Variants in UBR4 observed in about 807,000 individuals in gnomAD.
UBR4 encodes the protein E3 ubiquitin-protein ligase UBR4.
A neutral mutation model predicts 575.6 loss-of-function variants in UBR4; 124 were observed. That is an observed-to-expected ratio of 0.22 (90% CI 0.19 to 0.25). The LOEUF is 0.25. UBR4 is among the 10% of genes least tolerant of loss of function. The pLI is 1.00. For missense variants in UBR4, 4,818 were observed against 6,478.8 expected, an observed-to-expected ratio of 0.74 and a Z score of 8.80; for synonymous variants, 2,455 against 2,473.7, an observed-to-expected ratio of 0.99 and a Z score of 0.22.
intron 77 of UBR4, chr1:19,113,463 T>C (rs972749501): frequency 3.4e-6 from 2 of 588,938 alleles, no homozygotes; most frequent in African/African-American, 3.7e-5. Flanking sequence ...CTGTGTTACC[T>C]TCCCATCACC....
chr1:19,083,188 A>C (rs902207945), intron 102 of UBR4, among the ~76,000 whole-genome samples: 1 of 152,164 alleles, frequency 6.6e-6, no homozygotes, highest in African/African-American at 2.4e-5. Flanking sequence ...GGTCTGCGCC[A>C]TCAGTGCTGC....
chr1:19,155,454 T>C lies in UBR4; in HGVS notation c.6287A>G (p.His2096Arg), dbSNP rs1043029175. 4 of 1,614,070 alleles carry C rather than the reference T, an allele frequency of 2.5e-6. No homozygotes were observed. In the East Asian group the frequency reaches 8.9e-5, roughly 36 times the overall value. The change falls in exon 43 of 106, where the codon CAT (histidine) becomes CGT (arginine). Residue 2096 changes from histidine to arginine, a missense_variant. His to Arg is a conservative substitution (Grantham distance 29). Transcript: ENST00000375254. ...ATGTGCTCTAACCTTCAGGTCCTCATGATTGATTTCCAACACATTAGTGAC... is the reference window on the plus strand; with the variant it reads ...ATGTGCTCTAACCTTCAGGTCCTCACGATTGATTTCCAACACATTAGTGAC... ...FYVTNVLEIN[H>R]EDLKDSNSQV... is the part of the protein sequence containing the mutation.
intron 55 of UBR4, among the ~76,000 whole-genome samples, chr1:19,143,094 C>CGA (rs372708234): frequency 1.1e-4 from 11 of 104,144 alleles, no homozygotes; most frequent in Middle Eastern, 6.4e-3. Flanking sequence ...TGAAAAAAGA[C>CGA]GAGAGAGAGA....
intron 13 of UBR4, 116 bp downstream of exon 13, chr1:19,187,048 A>T: frequency 1.3e-6 from 1 of 795,434 alleles, no homozygotes; most frequent in Non-Finnish European, 1.6e-6. Context: ...CATGGTGTGT[A>T]GTCAGTCTTA....
chr1:19,119,865 T>C (rs566114410), intron 69 of UBR4, among the ~76,000 whole-genome samples, 164 bp from the exon 70 acceptor site: 2 of 152,268 alleles, frequency 1.3e-5, no homozygotes, highest in South Asian at 2.1e-4. Context: ...AGCATAGTCA[T>C]TTGCTGCCTC....
In UBR4 at chr1:19,139,344, A is replaced by G. The variant is rs1042726892; in HGVS notation, c.8594-124T>C. On this transcript the variant is annotated intron_variant, in intron 58 of 105. Transcript: ENST00000375254. The surrounding 1 kb of genome is among the most constrained non-coding windows in gnomAD (Gnocchi z 4.2). The stretch of plus-strand genomic sequence containing the variant: ...CCACATAGTGCATAGGACACAATGC[A>G]GTTTATATATCCTGTCGTCAAAGAA... 4.0e-6 allele frequency: 5 copies of G among 1,258,720 alleles called. No homozygotes were observed. The Admixed American group carries it at 9.9e-5, about 25-fold the overall frequency. 78.0% of individuals were successfully genotyped at this position (1,258,720 alleles called of 1,614,324 possible).
At chr1:19,145,508 G>GACACACACAC (rs555050832) in intron 53 of UBR4, among the ~76,000 whole-genome samples, 4,124 of 145,070 alleles carry the variant, frequency 0.028, 174 homozygotes, top group African/African-American at 0.091. Flanking sequence ...AAACCACTGA[G>GACACACACAC]ACACACACAC....
rs767686744 is a variant in UBR4 at position 19,179,244 on chromosome 1, A to T, written c.2185-24T>A. Reference sequence around the variant, plus strand: ...TTCTGACAAGAAAGACATGGAACAGAACATTAGCAAACAGATACGGGATAA... The same window carrying T: ...TTCTGACAAGAAAGACATGGAACAGTACATTAGCAAACAGATACGGGATAA... On this transcript the variant is annotated intron_variant, in intron 17 of 105. Coordinates refer to ENST00000375254, the MANE Select transcript of UBR4 (RefSeq NM_020765.3). The T allele has an allele frequency of 9.8e-6, 15 of 1,523,386 alleles. No homozygotes were observed. The South Asian group carries it at 2.0e-4, about 20-fold the overall frequency. The allele number at this position is 1,523,386 out of a possible 1,614,324, so 94.4% of individuals were successfully genotyped here. A position where few individuals can be genotyped will look rare whatever the true frequency, so the allele number is the denominator to read the frequency against.
At chr1:19,129,306 T>C (rs944670418) in intron 60 of UBR4, among the ~76,000 whole-genome samples, 1 of 152,142 alleles carries the variant, frequency 6.6e-6, no homozygotes, top group Non-Finnish European at 1.5e-5. Flanking sequence ...TATTCTAAAA[T>C]ACAACTGATG....
chr1:19,129,223 A>C, intron 60 of UBR4, 149 bp from the exon 61 acceptor site: 1 of 621,744 alleles, frequency 1.6e-6, no homozygotes, highest in African/African-American at 1.8e-5. Flanking sequence ...AAAAAAAGTT[A>C]AGAACTGCCT....
intron 17 of UBR4, among the ~76,000 whole-genome samples, 170 bp from the exon 18 acceptor site, chr1:19,179,390 C>T (rs1372720421): frequency 2.6e-5 from 4 of 152,078 alleles, no homozygotes; most frequent in African/African-American, 9.7e-5. Flanking sequence ...TCATTTAGGT[C>T]AACAAATGAG....
At position 19,201,705 on chromosome 1, in the gene UBR4, G is replaced by A; in HGVS notation, c.274+13C>T. ...AAGCCCTCAGAAGGGAAGGACAAGAGTGGAATACTTACTGAGACTGCAAAC... is the reference window on the plus strand; with the variant it reads ...AAGCCCTCAGAAGGGAAGGACAAGAATGGAATACTTACTGAGACTGCAAAC... On this transcript the variant is annotated intron_variant, in intron 2 of 105. Coordinates refer to ENST00000375254, the MANE Select transcript of UBR4 (RefSeq NM_020765.3). The A allele has an allele frequency of 6.2e-7, 1 of 1,606,686 alleles. No homozygotes were observed. The highest frequency in any genetic ancestry group is 1.1e-5 in the South Asian group (1 of 90,830).
intron 103 of UBR4, chr1:19,079,728 C>T (rs533033480): frequency 5.9e-5 from 9 of 152,456 alleles, no homozygotes; most frequent in African/African-American, 1.2e-4. Flanking sequence ...CTCCCAGTAT[C>T]GGGCTAACCC....
At position 19,127,694 on chromosome 1, in the gene UBR4, G is replaced by T; in HGVS notation, c.9157C>A (p.Leu3053Met). ...NERSALNEVH[L>M]VVMRLLSVFM... is the part of the protein sequence containing the mutation. The stretch of plus-strand genomic sequence containing the variant: ...ACACTCAGGAGTCTCATTACTACCA[G>T]ATGGACTTCATTCAGGGCGCTGCGC... The change falls in exon 63 of 106, where the codon CTG (leucine) becomes ATG (methionine). Residue 3053 changes from leucine (L) to methionine (M), a missense_variant. By Grantham distance (15) the Leu-to-Met change is conservative. Coordinates refer to ENST00000375254, the MANE Select transcript of UBR4 (RefSeq NM_020765.3). 6.2e-7 allele frequency: 1 copy of T among 1,614,146 alleles called. No individual in the cohort carries two copies. The highest frequency in any genetic ancestry group is 8.5e-7 in the Non-Finnish European group (1 of 1,180,010).
At chr1:19,166,829 C>G (rs1202633291) in intron 29 of UBR4, among the ~76,000 whole-genome samples, 193 bp downstream of exon 29, 6 of 151,116 alleles carry the variant, frequency 4.0e-5, no homozygotes, top group Middle Eastern at 3.4e-3. Context: ...TTGCTTGAGC[C>G]CCGGAGGCAG....
chr1:19,078,109 G>A lies in UBR4; in HGVS notation c.15234-43C>T, dbSNP rs777975000. 6 of 1,595,720 alleles carry A rather than the reference G, an allele frequency of 3.8e-6. No homozygotes were observed. In the Admixed American group the frequency reaches 8.6e-5, roughly 23 times the overall value. On this transcript the variant is annotated intron_variant, in intron 103 of 105. Coordinates refer to ENST00000375254, the MANE Select transcript of UBR4 (RefSeq NM_020765.3). ...GTTCCATCACATGAAGTCCCTAGGA[G>A]GATACTCACAAGGACAGAGCAAGGC...
Position 19,100,514 on chromosome 1 carries a change from G to T in UBR4, c.13083C>A (p.Asp4361Glu). Residue 4361 changes from aspartate to glutamate, a missense_variant, in exon 89 of 106, where the codon GAC becomes GAA. Around this residue, in one of 29 missense-constraint regions of UBR4, gnomAD observed 105 missense variants for 232.8 expected, o/e 0.45. Transcript: ENST00000375254. The surrounding 1 kb of genome is among the most constrained non-coding windows in gnomAD (Gnocchi z 4.2). ...TCCCAGGCATCCTGCCCTGTAAGAA[G>T]TCTTCTTGTTGGGGATCCTTCTCCA... ...VTLEKDPQQEDFLQGRMPGNP... is the reference protein window; with the variant it reads ...VTLEKDPQQEEFLQGRMPGNP... 6.2e-7 allele frequency: 1 copy of T among 1,614,124 alleles called. No homozygotes were observed. Among genetic ancestry groups the T allele is most frequent in the Non-Finnish European group, 8.5e-7 (1 of 1,180,018 alleles).
In UBR4 at chr1:19,146,980, T is replaced by C. The variant is rs141196581; in HGVS notation, c.7650A>G (p.Lys2550=). The C allele has an allele frequency of 4.8e-4, 776 of 1,609,114 alleles. No individual in the cohort carries two copies. Among genetic ancestry groups the C allele is most frequent in the African/African-American group, 3.6e-3 (269 of 74,948 alleles). ...TAGATGTGTTGAGACACTGCACAGC[T>C]TTGCTCAGCAAGGCCTGATCCTGTA... is the stretch of plus-strand genomic sequence containing the variant. The part of the protein sequence containing the change: ...HSHKDQALLS[K]AVQCLNTSSK... The change falls in exon 52 of 106, where the codon AAA becomes AAG. Residue 2550 remains lysine, a synonymous_variant. Transcript: ENST00000375254.
intron 39 of UBR4, 62 bp from the exon 40 acceptor site, chr1:19,158,059 A>G: frequency 6.4e-7 from 1 of 1,551,612 alleles, no homozygotes; most frequent in Non-Finnish European, 8.8e-7. Context: ...AAGTGGATTC[A>G]CGCACTATTC....
Sources: gnomAD v4.1 joint callset for allele counts (sites outside exome capture counted in the v4.1 genomes callset) on GRCh38, gnomAD v4.1.1 for gene constraint, gnomAD v4.1.1 regional missense constraint, Gnocchi (gnomAD v3.1) non-coding constraint, MANE v1.5 for transcripts, NCBI Gene and HGNC (gene_info 2026-07-23, HGNC 2026-07-21) for gene names.